The following EPSTI1 variants were observed in gnomAD, a reference collection of about 807,000 sequenced individuals.
EPSTI1 encodes epithelial stromal interaction 1, also known as epithelial-stromal interaction protein 1.
In EPSTI1, 66 loss-of-function variants were observed where a neutral mutation model predicts 49.9. That is an observed-to-expected ratio of 1.32 (90% CI 1.08 to 1.62). The LOEUF is 1.62. EPSTI1 is among the 40% of genes most tolerant of loss of function. EPSTI1 has a pLI of 0.00. For missense variants in EPSTI1, 394 were observed against 365.5 expected, an observed-to-expected ratio of 1.08 and a Z score of -0.64; for synonymous variants, 137 against 130.7, an observed-to-expected ratio of 1.05 and a Z score of -0.33.
At chr13:42,952,024 TAAAATGCACCAATCAGTGCTCTGTA>T (rs1339386098) in intron 6 of EPSTI1, among the ~76,000 whole-genome samples, 3 of 152,164 alleles carry the variant, frequency 2.0e-5, no homozygotes, top group Non-Finnish European at 4.4e-5. Flanking sequence ...AAGAGGTTTG[TAAAATGCACCAATCAGTGCTCTGTA>T]AAAATGCACC....
At chr13:42,974,613 T>C (rs1041781860) in intron 1 of EPSTI1, among the ~76,000 whole-genome samples, 14 of 150,526 alleles carry the variant, frequency 9.3e-5, no homozygotes, top group African/African-American at 2.9e-4. Flanking sequence ...GAGCCGAGAT[T>C]GCGCCACTGC....
chr13:42,983,522 C>A (rs1423891852), intron 1 of EPSTI1, among the ~76,000 whole-genome samples: 1 of 145,902 alleles, frequency 6.9e-6, no homozygotes, highest in African/African-American at 2.6e-5. Context: ...TGAGACCACG[C>A]CATTGTACTC....
chr13:42,954,633 G>C (rs7337195), intron 5 of EPSTI1, among the ~76,000 whole-genome samples: 9 of 151,946 alleles, frequency 5.9e-5, no homozygotes, highest in South Asian at 4.2e-4. Flanking sequence ...TGATATTACT[G>C]TCACCATGGC....
rs912719284 is a variant in EPSTI1, at chr13:42,887,492, G to A, written c.*1002C>T. On this transcript the variant is annotated 3_prime_UTR_variant, in exon 11 of 11. Coordinates refer to ENST00000313624, the MANE Select transcript of EPSTI1 (RefSeq NM_033255.5). Reference sequence around the variant, plus strand: ...AGTTGTCCAGCTGCAAAGATGATTTGTTGTATTTACCTTTATTCTAGGATT... The same window carrying A: ...AGTTGTCCAGCTGCAAAGATGATTTATTGTATTTACCTTTATTCTAGGATT... The A allele has an allele frequency of 6.6e-5, 10 of 152,216 alleles. No homozygotes were observed. In the East Asian group the frequency reaches 1.9e-3, roughly 29 times the overall value. 9.4% of individuals were successfully genotyped at this position (152,216 alleles called of 1,614,324 possible).
chr13:42,953,009 A>C (rs2039147587), intron 6 of EPSTI1, among the ~76,000 whole-genome samples: 1 of 152,194 alleles, frequency 6.6e-6, no homozygotes, highest in African/African-American at 2.4e-5. Context: ...CAATGGAGTG[A>C]GAGAACAGGC....
intron 6 of EPSTI1, among the ~76,000 whole-genome samples, chr13:42,936,028 A>T (rs2038551037): frequency 6.6e-6 from 1 of 152,138 alleles, no homozygotes; most frequent in East Asian, 1.9e-4. Flanking sequence ...CTATATCTGT[A>T]CCTATCTTCC....
At chr13:42,930,448 A>G (rs912970701) in intron 6 of EPSTI1, among the ~76,000 whole-genome samples, 1 of 152,210 alleles carries the variant, frequency 6.6e-6, no homozygotes, top group Admixed American at 6.5e-5. Flanking sequence ...TCACACACCT[A>G]TAAGCACTCA....
Position 42,900,352 on chromosome 13 carries a change from T to C in EPSTI1, c.773A>G (p.Gln258Arg), listed in dbSNP as rs765525873. Residue 258 changes from glutamine to arginine, a missense_variant, in exon 9 of 11, where the codon CAA (glutamine) becomes CGA (arginine). Coordinates refer to ENST00000313624, the MANE Select transcript of EPSTI1 (RefSeq NM_033255.5). The stretch of plus-strand genomic sequence containing the variant: ...GTGGATTTTGGCTCTTTCTTGCTCT[T>C]GCTGCTGCCGTTTCAGTTCCAGTAA... ...SELLELKRQQ[Q>R]EQERAKIHQT... The C allele has an allele frequency of 6.2e-7, 1 of 1,613,790 alleles. No individual in the cohort carries two copies. Among genetic ancestry groups the C allele is most frequent in the South Asian group, 1.1e-5 (1 of 91,066 alleles).
intron 10 of EPSTI1, among the ~76,000 whole-genome samples, chr13:42,892,042 G>A (rs978671585): frequency 1.3e-5 from 2 of 152,200 alleles, no homozygotes; most frequent in African/African-American, 2.4e-5. Context: ...GAAAGTAAAT[G>A]AAGGAGGACA....
chr13:42,970,578 G>A (rs1295382115), intron 2 of EPSTI1, 34 bp downstream of exon 2: 2 of 1,529,210 alleles, frequency 1.3e-6, no homozygotes, highest in Non-Finnish European at 8.9e-7. Context: ...AAAGAGAGAA[G>A]CATTCTGAAT....
Position 42,963,627 on chromosome 13 carries a change from G to A in EPSTI1, c.406-289C>T, listed in dbSNP as rs978540547. The A allele has an allele frequency of 2.4e-5, 9 of 373,848 alleles. No individual in the cohort carries two copies. In the Admixed American group the frequency reaches 4.0e-4, roughly 17 times the overall value. The allele number at this position is 373,848 out of a possible 1,614,324, so 23.2% of individuals were successfully genotyped here. A position where few individuals can be genotyped will look rare whatever the true frequency, so the allele number is the denominator to read the frequency against. On this transcript the variant is annotated intron_variant, in intron 4 of 10. Coordinates refer to ENST00000313624, the MANE Select transcript of EPSTI1 (RefSeq NM_033255.5). ...GTGTGTATGTGTGTGTGGTGTGTGTGTGTATTGGGGAGGGAAAAGGGAAAA... is the reference window on the plus strand; with the variant it reads ...GTGTGTATGTGTGTGTGGTGTGTGTATGTATTGGGGAGGGAAAAGGGAAAA...
At position 42,888,175 on chromosome 13, in the gene EPSTI1, C is replaced by G; in HGVS notation, c.*319G>C. The G allele has an allele frequency of 1.3e-6, 2 of 1,533,814 alleles. No homozygotes were observed. The highest frequency in any genetic ancestry group is 1.8e-6 in the Non-Finnish European group (2 of 1,125,040). ...AAAGACAAGCCTGTAGCACCCATAG[C>G]TCTGATTAACCTGAAAGCATCAAGT... On this transcript the variant is annotated 3_prime_UTR_variant, in exon 11 of 11. Coordinates refer to ENST00000313624, the MANE Select transcript of EPSTI1 (RefSeq NM_033255.5).
In EPSTI1 at chr13:42,992,138, A is replaced by G. The variant is rs2040208936; in HGVS notation, c.28T>C (p.Ser10Pro). Residue 10 changes from serine (S) to proline (P), a missense_variant, in exon 1 of 11, where the codon TCC becomes CCC. By Grantham distance (74) the Ser-to-Pro change is moderately conservative. Transcript: ENST00000313624. Reference protein sequence around the residue: MNTRNRVVNSGLGASPASRP... With the variant: MNTRNRVVNPGLGASPASRP... ...GAGGCAGGGGAGGCGCCGAGCCCGG[A>G]GTTCACCACTCTATTGCGGGTGTTC... is the stretch of plus-strand genomic sequence containing the variant. The G allele has an allele frequency of 6.9e-6, 11 of 1,603,776 alleles. No homozygotes were observed. Among genetic ancestry groups the G allele is most frequent in the Non-Finnish European group, 9.4e-6 (11 of 1,176,304 alleles).
chr13:42,901,295 CAA>C (rs918272902), intron 8 of EPSTI1, among the ~76,000 whole-genome samples: 2 of 152,036 alleles, frequency 1.3e-5, no homozygotes, highest in Non-Finnish European at 2.9e-5. Context: ...GAAAAGTATA[CAA>C]AAAAACTCAA....
At chr13:42,916,806 T>G (rs1297692017) in intron 8 of EPSTI1, among the ~76,000 whole-genome samples, 1 of 152,194 alleles carries the variant, frequency 6.6e-6, no homozygotes, top group Non-Finnish European at 1.5e-5. Context: ...CACTCCCTTT[T>G]CTTCTCGTTT....
intron 3 of EPSTI1, among the ~76,000 whole-genome samples, chr13:42,965,172 T>A (rs2039569560): frequency 6.6e-6 from 1 of 152,232 alleles, no homozygotes. Flanking sequence ...TAGTATCTCC[T>A]GCAACCATTC....
intron 8 of EPSTI1, among the ~76,000 whole-genome samples, chr13:42,903,640 T>C (rs975502656): frequency 1.3e-5 from 2 of 152,210 alleles, no homozygotes; most frequent in African/African-American, 2.4e-5. Context: ...TAGTTTACCA[T>C]AAGGTTGTGC....
chr13:42,955,882 G>GT (rs940832591), intron 5 of EPSTI1, among the ~76,000 whole-genome samples: 3 of 144,506 alleles, frequency 2.1e-5, no homozygotes, highest in African/African-American at 7.6e-5. Flanking sequence ...GTATTTGGGG[G>GT]GGGGGGGAAG....
intron 1 of EPSTI1, among the ~76,000 whole-genome samples, chr13:42,977,155 A>G (rs1361359026): frequency 6.6e-6 from 1 of 152,258 alleles, no homozygotes; most frequent in Non-Finnish European, 1.5e-5. Flanking sequence ...TACTCTGAAC[A>G]GGAATGTGGG....
Sources: allele counts gnomAD v4.1 joint callset (sites outside exome capture counted in the v4.1 genomes callset), GRCh38; gene constraint gnomAD v4.1.1; transcripts MANE v1.5; gene names NCBI Gene and HGNC (gene_info 2026-07-23, HGNC 2026-07-21).